ZYG11B: variants seen among roughly 807,000 people sequenced by gnomAD.
ZYG11B encodes the protein zyg-11 family member B, cell cycle regulator.
Under a neutral mutation model 82.4 loss-of-function variants are expected in ZYG11B, and 36 were observed. The ratio of observed to expected loss-of-function variants is 0.44; its 90% CI spans 0.33 to 0.58. The LOEUF (loss-of-function observed/expected upper bound fraction) is 0.58. Among genes scored for constraint, ZYG11B ranks in the 20% least tolerant of loss-of-function variants. The probability of loss-of-function intolerance (pLI) is 0.02; values close to 1 mark genes in which losing one functional copy is unlikely to be tolerated. For synonymous variants in ZYG11B, 303 were observed against 312.8 expected, an observed-to-expected ratio of 0.97 and a Z score of 0.33; for missense variants, 552 against 895.6, an observed-to-expected ratio of 0.62 and a Z score of 4.90.
intron 6 of ZYG11B, among the ~76,000 whole-genome samples, chr1:52,791,429 C>T (rs1321536359): frequency 2.6e-5 from 4 of 151,466 alleles, no homozygotes; most frequent in South Asian, 2.1e-4. Flanking sequence ...AGTGCAATGG[C>T]GTGATCTCGG....
intron 8 of ZYG11B, among the ~76,000 whole-genome samples, chr1:52,797,031 TTA>T (rs950135929): frequency 1.1e-5 from 1 of 93,824 alleles, no homozygotes; most frequent in Non-Finnish European, 1.8e-5. Context: ...ATATATAAAT[TTA>T]TATATATAAA....
intron 1 of ZYG11B, among the ~76,000 whole-genome samples, chr1:52,743,808 A>G (rs915753432): frequency 6.6e-6 from 1 of 152,188 alleles, no homozygotes. Context: ...CTTCACATTC[A>G]CTATCACTGA....
In ZYG11B at chr1:52,771,191, A is replaced by T; in HGVS notation, c.368A>T (p.Asp123Val). 1 of 1,614,240 alleles carries T rather than the reference A, an allele frequency of 6.2e-7. No homozygotes were observed. The highest frequency in any genetic ancestry group is 8.5e-7 in the Non-Finnish European group (1 of 1,180,048). ...GTGAATGCTGATATCACGATTACAG[A>T]CATTATCAGTGGGCTTGGCAGTAAC... The part of the protein sequence containing the change: ...TGVNADITIT[D>V]IISGLGSNKW... Residue 123 changes from aspartate to valine, a missense_variant, in exon 3 of 14, where the codon GAC (aspartate) becomes GTC (valine). By Grantham distance (152) the Asp-to-Val change is radical. Coordinates refer to ENST00000294353, the MANE Select transcript of ZYG11B (RefSeq NM_024646.3). This position sits in a 1 kb window ranked among gnomAD's most constrained non-coding sequence, Gnocchi z 5.4.
chr1:52,803,087 C>CATATATATATATATAT (rs1232248742), intron 10 of ZYG11B, among the ~76,000 whole-genome samples: 253 of 22,518 alleles, frequency 0.011, 16 homozygotes, highest in South Asian at 0.057. Flanking sequence ...TATATATACA[C>CATATATATATATATAT]ATATATATAT....
intron 2 of ZYG11B, among the ~76,000 whole-genome samples, chr1:52,766,588 T>C (rs558333368): frequency 6.6e-6 from 1 of 152,204 alleles, no homozygotes; most frequent in South Asian, 2.1e-4. Flanking sequence ...TAATTTTTTA[T>C]TGAAACCAGG....
intron 13 of ZYG11B, among the ~76,000 whole-genome samples, chr1:52,818,081 A>G (rs1645250923): frequency 6.7e-6 from 1 of 148,760 alleles, no homozygotes; most frequent in African/African-American, 2.5e-5. Context: ...CAGGTGATCC[A>G]CCGACCTCGG....
intron 10 of ZYG11B, among the ~76,000 whole-genome samples, chr1:52,803,021 A>G (rs1266227909): frequency 6.8e-6 from 1 of 147,262 alleles, no homozygotes. Flanking sequence ...CTCCGTCTCA[A>G]AAAAAACCCT....
At chr1:52,750,272 TA>T (rs1190152437) in intron 1 of ZYG11B, among the ~76,000 whole-genome samples, 9 of 96,660 alleles carry the variant, frequency 9.3e-5, no homozygotes, top group African/African-American at 3.8e-4. Context: ...CCCCAGCAAC[TA>T]TTTTTTTTTT....
chr1:52,785,358 G>A (rs982287294), intron 5 of ZYG11B, among the ~76,000 whole-genome samples: 1 of 152,200 alleles, frequency 6.6e-6, no homozygotes, highest in Non-Finnish European at 1.5e-5. Context: ...ACTATCAAAT[G>A]CTGGGATACA....
At chr1:52,803,131 TATACACACATATATATATATATACAC>T (rs1645098040) in intron 10 of ZYG11B, among the ~76,000 whole-genome samples, 10 of 74,270 alleles carry the variant, frequency 1.3e-4, no homozygotes, top group African/African-American at 1.8e-4. Flanking sequence ...CACATATATA[TATACACACATATATATATATATACAC>T]ATATATATAT....
chr1:52,748,429 G>A (rs1183020666), intron 1 of ZYG11B, among the ~76,000 whole-genome samples: 5 of 152,220 alleles, frequency 3.3e-5, no homozygotes, highest in Admixed American at 3.3e-4. Flanking sequence ...TACATAGGTG[G>A]CTGGCACCAC....
rs2149970166 is a variant in ZYG11B, at chr1:52,822,143, A to G, written c.*514A>G. ...GTGGATCATCTTGTGGAAGCTAATC[A>G]CTGGCAGGAGCCTGGATGGCTGGCG... On this transcript the variant is annotated 3_prime_UTR_variant, in exon 14 of 14. Transcript: ENST00000294353. 6.6e-6 allele frequency: 1 copy of G among 152,436 alleles called. No individual in the cohort carries two copies. The highest frequency in any genetic ancestry group is 3.4e-3 in the Middle Eastern group (1 of 294). The allele number at this position is 152,436 out of a possible 1,614,324, so 9.4% of individuals were successfully genotyped here.
chr1:52,745,216 C>T (rs10157120), intron 1 of ZYG11B, among the ~76,000 whole-genome samples: 95,397 of 152,008 alleles, frequency 0.63, 31,943 homozygotes, highest in East Asian at 0.97. Flanking sequence ...CTGAGAATAC[C>T]TCTAGTTGAG....
chr1:52,727,639 C>A (rs1449212118), intron 1 of ZYG11B, among the ~76,000 whole-genome samples: 2 of 152,182 alleles, frequency 1.3e-5, no homozygotes, highest in Non-Finnish European at 2.9e-5. Context: ...CATTTGAGGA[C>A]TGACAATCAG....
intron 1 of ZYG11B, 93 bp downstream of exon 1, chr1:52,726,776 C>G: frequency 7.9e-7 from 1 of 1,268,028 alleles, no homozygotes. Context: ...CTCCCTGTCT[C>G]TGGTGTCCCC....
At chr1:52,776,229 A>AAAAAAAAAAAAAATATATATATAT in intron 3 of ZYG11B, among the ~76,000 whole-genome samples, 21 of 23,534 alleles carry the variant, frequency 8.9e-4, no homozygotes, top group South Asian at 2.4e-3. Context: ...TAAAAAAAAA[A>AAAAAAAAAAAAAATATATATATAT]ATATATATAT....
chr1:52,748,834 G>A (rs766822795), intron 1 of ZYG11B, among the ~76,000 whole-genome samples: 1 of 149,976 alleles, frequency 6.7e-6, no homozygotes, highest in Non-Finnish European at 1.5e-5. Context: ...ATGGGGAGGT[G>A]GAGGTTGTGG....
chr1:52,804,562 G>C (rs1036764468), intron 10 of ZYG11B, among the ~76,000 whole-genome samples: 3 of 151,910 alleles, frequency 2.0e-5, no homozygotes, highest in African/African-American at 7.3e-5. Context: ...GCTGTGAGCC[G>C]AGATTGCACC....
intron 4 of ZYG11B, among the ~76,000 whole-genome samples, chr1:52,784,198 G>C (rs562303584): frequency 6.6e-6 from 1 of 151,960 alleles, no homozygotes; most frequent in African/African-American, 2.4e-5. Flanking sequence ...CACCATGTTG[G>C]CCAGGCTGGT....
Sources: allele counts gnomAD v4.1 joint callset (sites outside exome capture counted in the v4.1 genomes callset), GRCh38; gene constraint gnomAD v4.1.1; non-coding constraint Gnocchi (gnomAD v3.1); transcripts MANE v1.5; gene names NCBI Gene and HGNC (gene_info 2026-07-23, HGNC 2026-07-21).